The following KLHL1 variants were observed in gnomAD, a reference collection of about 807,000 sequenced individuals.
KLHL1 encodes the protein kelch like family member 1.
Under a neutral mutation model 77.7 loss-of-function variants are expected in KLHL1, and 47 were observed. The observed-to-expected ratio is 0.60, with a 90% CI of 0.48 to 0.77. KLHL1 has a LOEUF of 0.77. KLHL1 is among the 30% of genes least tolerant of loss of function. The pLI, the probability that KLHL1 is intolerant of heterozygous loss-of-function variation, is 0.00. For missense variants in KLHL1, 925 were observed against 910.8 expected (o/e 1.02, Z -0.20); for synonymous variants, 360 against 325.2 (o/e 1.11, Z -1.15).
chr13:70,023,061 C>T (rs143846901), intron 1 of KLHL1, among the ~76,000 whole-genome samples: 2 of 151,932 alleles, frequency 1.3e-5, no homozygotes, highest in Non-Finnish European at 2.9e-5. Flanking sequence ...TTTTCAGTCA[C>T]ACAGACCTTT....
chr13:70,090,045 T>G (rs965508641), intron 1 of KLHL1, among the ~76,000 whole-genome samples: 6 of 152,108 alleles, frequency 3.9e-5, no homozygotes, highest in Admixed American at 3.9e-4. Flanking sequence ...GATAATAGAA[T>G]TAATCGTCAT....
intron 4 of KLHL1, among the ~76,000 whole-genome samples, chr13:69,939,686 G>A (rs1883305821): frequency 6.6e-6 from 1 of 152,072 alleles, no homozygotes; most frequent in Non-Finnish European, 1.5e-5. Context: ...AACACGTGGA[G>A]GTTCCTGGAG....
At position 69,761,737 on chromosome 13, in the gene KLHL1, A is replaced by G. The variant is rs1003978095; in HGVS notation, c.1640-21181T>C. Among the ~76,000 whole-genome samples, 5 of 152,294 alleles carry G rather than the reference A, an allele frequency of 3.3e-5. No homozygotes were observed. The East Asian group carries it at 7.7e-4, about 24-fold the overall frequency. ...AAACAAAATTGGTCCTTGAAAGGAT[A>G]TAAGTCCAATGTTAAGTGTTGACTC... On this transcript the variant is annotated intron_variant, in intron 7 of 10. Coordinates refer to ENST00000377844, the MANE Select transcript of KLHL1 (RefSeq NM_020866.3).
At chr13:69,969,877 C>A (rs1041196285) in intron 2 of KLHL1, among the ~76,000 whole-genome samples, 3 of 152,130 alleles carry the variant, frequency 2.0e-5, no homozygotes, top group Non-Finnish European at 4.4e-5. Context: ...ATGCATGCAA[C>A]CACACTAGAA....
intron 7 of KLHL1, among the ~76,000 whole-genome samples, chr13:69,763,449 T>C (rs1289404848): frequency 6.6e-6 from 1 of 152,222 alleles, no homozygotes; most frequent in Non-Finnish European, 1.5e-5. Context: ...GTAGTGTCCC[T>C]GGTGCACTGT....
chr13:69,759,886 GT>G (rs1337580519), intron 7 of KLHL1, among the ~76,000 whole-genome samples: 5 of 152,162 alleles, frequency 3.3e-5, no homozygotes, highest in African/African-American at 9.7e-5. Flanking sequence ...TGAAACAAAG[GT>G]AAGACTGGTT....
intron 1 of KLHL1, among the ~76,000 whole-genome samples, chr13:70,104,076 T>C (rs926203984): frequency 2.6e-5 from 4 of 152,198 alleles, no homozygotes; most frequent in Admixed American, 1.3e-4. Flanking sequence ...AATATAAATA[T>C]TGCTCTTTGG....
chr13:70,058,496 C>T (rs1886800966), intron 1 of KLHL1, among the ~76,000 whole-genome samples: 1 of 152,032 alleles, frequency 6.6e-6, no homozygotes, highest in Non-Finnish European at 1.5e-5. Context: ...AAATAAAATA[C>T]TTATGAATAA....
intron 6 of KLHL1, among the ~76,000 whole-genome samples, chr13:69,825,282 G>A (rs1164361882): frequency 1.3e-5 from 2 of 152,068 alleles, no homozygotes; most frequent in African/African-American, 2.4e-5. Flanking sequence ...AAAGAAGAAA[G>A]ACATCAAGCA....
intron 1 of KLHL1, among the ~76,000 whole-genome samples, chr13:70,033,812 G>C (rs1419428029): frequency 6.6e-6 from 1 of 151,648 alleles, no homozygotes; most frequent in Non-Finnish European, 1.5e-5. Context: ...TAGAAACGGG[G>C]TTTTACCATG....
At position 69,970,241 on chromosome 13, in the gene KLHL1, A is replaced by G. The variant is rs1236677525; in HGVS notation, c.680+5379T>C. Among the ~76,000 whole-genome samples the G allele has an allele frequency of 2.0e-5, 3 of 152,084 alleles. No individual in the cohort carries two copies. In the East Asian group the frequency reaches 5.8e-4, roughly 29 times the overall value. ...AAATGCCTGTAGAACTGCTCATCAC[A>G]TATCCCAGGACATTTCATTATAACT... On this transcript the variant is annotated intron_variant, in intron 2 of 10. Coordinates refer to ENST00000377844, the MANE Select transcript of KLHL1 (RefSeq NM_020866.3).
intron 5 of KLHL1, among the ~76,000 whole-genome samples, chr13:69,846,958 T>G (rs1029355777): frequency 1.3e-5 from 2 of 151,492 alleles, no homozygotes; most frequent in Non-Finnish European, 3.0e-5. Flanking sequence ...TTGCAGTGTT[T>G]TTGCAATCTC....
At chr13:69,966,326 G>A (rs148339773) in intron 2 of KLHL1, among the ~76,000 whole-genome samples, 1 of 152,212 alleles carries the variant, frequency 6.6e-6, no homozygotes, top group African/African-American at 2.4e-5. Context: ...GGGCTCTTAA[G>A]AATTACGCTA....
rs528389336 is a variant in KLHL1 at position 69,925,692 on chromosome 13, A to C, written c.1014+14348T>G. On this transcript the variant is annotated intron_variant, in intron 4 of 10. Transcript: ENST00000377844. ...GAAAAAAATAAACTCTAACATTTGA[A>C]GTTTTATTGCCTTATATGACATTAA... 5.4e-5 allele frequency among the ~76,000 whole-genome samples: 6 copies of C among 111,638 alleles called. No individual in the cohort carries two copies. The Admixed American group carries it at 5.5e-4, about 10-fold the overall frequency. 73.2% of individuals were successfully genotyped at this position (111,638 alleles called of 152,430 possible). A position where few individuals can be genotyped will look rare whatever the true frequency, so the allele number is the denominator to read the frequency against.
At chr13:69,711,964 G>A (rs550135620) in intron 9 of KLHL1, among the ~76,000 whole-genome samples, 4 of 152,172 alleles carry the variant, frequency 2.6e-5, no homozygotes, top group South Asian at 4.1e-4. Context: ...TTTCCCTGAC[G>A]ACTAATGCCA....
chr13:70,106,094 C>T (rs1367539759), intron 1 of KLHL1, among the ~76,000 whole-genome samples: 1 of 151,298 alleles, frequency 6.6e-6, no homozygotes, highest in Non-Finnish European at 1.5e-5. Context: ...CACATATATA[C>T]ACATATAGGT....
At chr13:69,712,000 C>T (rs1041619450) in intron 9 of KLHL1, among the ~76,000 whole-genome samples, 1 of 152,098 alleles carries the variant, frequency 6.6e-6, no homozygotes, top group Admixed American at 6.6e-5. Context: ...TCCCAGTAGT[C>T]ATTGCCTATT....
At chr13:69,718,260 C>T (rs796152420) in intron 9 of KLHL1, among the ~76,000 whole-genome samples, 12 of 152,158 alleles carry the variant, frequency 7.9e-5, no homozygotes, top group African/African-American at 2.9e-4. Flanking sequence ...TCCCAAAAAG[C>T]TTTCTGTGGC....
chr13:69,788,376 C>T (rs189902002), intron 7 of KLHL1, among the ~76,000 whole-genome samples: 1 of 152,148 alleles, frequency 6.6e-6, no homozygotes, highest in Non-Finnish European at 1.5e-5. Flanking sequence ...ATGGATGAAA[C>T]TGGAAACCAT....
Sources: gnomAD v4.1 joint callset for allele counts (sites outside exome capture counted in the v4.1 genomes callset) on GRCh38, gnomAD v4.1.1 for gene constraint, MANE v1.5 for transcripts, NCBI Gene and HGNC (gene_info 2026-07-23, HGNC 2026-07-21) for gene names.